ARHGEF28: variants seen among roughly 807,000 people sequenced by gnomAD.
ARHGEF28 encodes 190 kDa guanine nucleotide exchange factor.
Under a neutral mutation model 206.6 loss-of-function variants are expected in ARHGEF28, and 152 were observed. That is an observed-to-expected ratio of 0.74 (90% CI 0.64 to 0.84). The LOEUF is 0.84. Ranked by LOEUF, ARHGEF28 falls within the 40% of genes least tolerant of loss-of-function variation. The pLI is 0.00. For synonymous variants in ARHGEF28, 763 were observed against 776.4 expected (o/e 0.98, Z 0.29); for missense variants, 2,028 against 2,073.2 (o/e 0.98, Z 0.42).
chr5:73,854,674 A>C (rs1272394793), intron 14 of ARHGEF28, among the ~76,000 whole-genome samples: 1 of 151,994 alleles, frequency 6.6e-6, no homozygotes, highest in Non-Finnish European at 1.5e-5. Context: ...CTACTAAAAT[A>C]TACAAAAATT....
intron 22 of ARHGEF28, among the ~76,000 whole-genome samples, chr5:73,878,771 G>A (rs1207937532): frequency 2.0e-5 from 3 of 151,036 alleles, no homozygotes; most frequent in Non-Finnish European, 4.4e-5. Context: ...CTTCTGGCTT[G>A]TAGAGTTTCT....
At chr5:73,635,142 G>A (rs1046066601) in intron 1 of ARHGEF28, among the ~76,000 whole-genome samples, 4 of 152,110 alleles carry the variant, frequency 2.6e-5, no homozygotes, top group Admixed American at 6.6e-5. Context: ...TGGAGAGTGC[G>A]AGACCAGTCT....
chr5:73,889,354 C>A (rs201042497), intron 26 of ARHGEF28, among the ~76,000 whole-genome samples: 2 of 152,198 alleles, frequency 1.3e-5, no homozygotes, highest in East Asian at 3.8e-4. Context: ...TGGGTCCCTA[C>A]AAGACAGTTT....
intron 23 of ARHGEF28, 76 bp from the exon 24 acceptor site, chr5:73,883,691 C>G: frequency 1.1e-6 from 1 of 879,650 alleles, no homozygotes; most frequent in Non-Finnish European, 1.7e-6. Flanking sequence ...GTTGCAGATT[C>G]TTTGTATTGT....
intron 35 of ARHGEF28, 192 bp downstream of exon 35, chr5:73,911,767 A>G (rs1432167108): frequency 6.6e-6 from 4 of 602,178 alleles, no homozygotes; most frequent in East Asian, 2.8e-5. Flanking sequence ...AGTTACCTAG[A>G]CAAGTGAGAC....
intron 1 of ARHGEF28, among the ~76,000 whole-genome samples, chr5:73,674,093 C>T (rs1746509775): frequency 6.6e-6 from 1 of 151,706 alleles, no homozygotes; most frequent in South Asian, 2.1e-4. Flanking sequence ...ATCACTTGAA[C>T]TGGGGAGGTC....
At chr5:73,649,865 G>A (rs774000302) in intron 1 of ARHGEF28, among the ~76,000 whole-genome samples, 1 of 152,132 alleles carries the variant, frequency 6.6e-6, no homozygotes, top group Non-Finnish European at 1.5e-5. Flanking sequence ...GCTGGTGGGC[G>A]AGCCCTTCGT....
intron 35 of ARHGEF28, among the ~76,000 whole-genome samples, chr5:73,930,785 C>T (rs1255028357): frequency 6.6e-6 from 1 of 152,182 alleles, no homozygotes; most frequent in African/African-American, 2.4e-5. Flanking sequence ...TGTTATTTTA[C>T]ACATACTCAA....
intron 7 of ARHGEF28, among the ~76,000 whole-genome samples, chr5:73,781,831 A>G (rs757845041): frequency 3.3e-5 from 5 of 152,178 alleles, no homozygotes; most frequent in Admixed American, 6.5e-5. Context: ...AGACATGAAG[A>G]TAAGGTTATA....
intron 9 of ARHGEF28, among the ~76,000 whole-genome samples, chr5:73,821,295 T>C (rs1029463699): frequency 5.3e-5 from 8 of 152,166 alleles, no homozygotes; most frequent in African/African-American, 1.9e-4. Context: ...AATGTTTCTA[T>C]TGAGGACACA....
intron 2 of ARHGEF28, among the ~76,000 whole-genome samples, chr5:73,707,211 T>A (rs1321945702): frequency 6.6e-6 from 1 of 152,172 alleles, no homozygotes; most frequent in African/African-American, 2.4e-5. Flanking sequence ...GTCCCCTAAG[T>A]CCTGGCTCTT....
intron 4 of ARHGEF28, among the ~76,000 whole-genome samples, chr5:73,766,828 CA>C (rs1752920010): frequency 6.6e-6 from 1 of 152,204 alleles, no homozygotes; most frequent in African/African-American, 2.4e-5. Flanking sequence ...TATCTCATAG[CA>C]AATCTGTTCC....
chr5:73,916,591 A>G (rs1763225976), intron 35 of ARHGEF28, among the ~76,000 whole-genome samples: 1 of 152,072 alleles, frequency 6.6e-6, no homozygotes, highest in African/African-American at 2.4e-5. Context: ...ATCTCTCTTT[A>G]TATCAGTGAT....
intron 15 of ARHGEF28, 145 bp downstream of exon 15, chr5:73,857,924 A>T: frequency 7.2e-7 from 1 of 1,380,152 alleles, no homozygotes; most frequent in Non-Finnish European, 9.8e-7. Context: ...TAAAGCCCAG[A>T]ATATAACATT....
chr5:73,815,151 G>T (rs1048860873), intron 9 of ARHGEF28, among the ~76,000 whole-genome samples: 12 of 151,608 alleles, frequency 7.9e-5, no homozygotes, highest in Admixed American at 5.9e-4. Flanking sequence ...ATATTAAAAG[G>T]CCATGATATA....
At chr5:73,818,933 T>A (rs1756402101) in intron 9 of ARHGEF28, among the ~76,000 whole-genome samples, 1 of 152,172 alleles carries the variant, frequency 6.6e-6, no homozygotes, top group Non-Finnish European at 1.5e-5. Flanking sequence ...TTTATTCTGA[T>A]ACATTAATTA....
At chr5:73,780,615 A>G (rs1753786795) in intron 6 of ARHGEF28, 61 bp from the exon 7 acceptor site, 1 of 1,491,062 alleles carries the variant, frequency 6.7e-7, no homozygotes, top group African/African-American at 1.4e-5. Flanking sequence ...TTTGTTGTAT[A>G]TCTGGAACCT....
chr5:73,845,100 C>G (rs1758244065), intron 11 of ARHGEF28, among the ~76,000 whole-genome samples: 1 of 146,552 alleles, frequency 6.8e-6, no homozygotes, highest in African/African-American at 2.5e-5. Flanking sequence ...TCACTGCAAG[C>G]TCTGCCTCCT....
intron 9 of ARHGEF28, among the ~76,000 whole-genome samples, chr5:73,807,445 T>C (rs559565504): frequency 9.2e-5 from 14 of 152,200 alleles, no homozygotes; most frequent in South Asian, 2.1e-4. Flanking sequence ...AACATATCTG[T>C]AGCAATATTA....
Sources: allele counts gnomAD v4.1 joint callset (sites outside exome capture counted in the v4.1 genomes callset), GRCh38; gene constraint gnomAD v4.1.1; transcripts MANE v1.5; gene names NCBI Gene and HGNC (gene_info 2026-07-23, HGNC 2026-07-21).